The following SNX18 variants were observed in gnomAD, a reference collection of about 807,000 sequenced individuals.
SNX18 encodes sorting nexin 18, also known as sorting nexin-18.
In SNX18, 35 loss-of-function variants were observed where a neutral mutation model predicts 48.7. That is an observed-to-expected ratio of 0.72 (90% CI 0.55 to 0.95). SNX18 has a LOEUF of 0.95. SNX18 is among the 40% of genes least tolerant of loss of function. The pLI is 0.00. For missense variants in SNX18, 824 were observed against 871.0 expected, an observed-to-expected ratio of 0.95 and a Z score of 0.68; for synonymous variants, 492 against 384.7, an observed-to-expected ratio of 1.28 and a Z score of -3.26.
downstream of SNX18, among the ~76,000 whole-genome samples, chr5:54,550,612 C>A (rs891286620): frequency 6.6e-6 from 1 of 152,174 alleles, no homozygotes; most frequent in Non-Finnish European, 1.5e-5. Context: ...TAGATGGAGT[C>A]TTGGTCTGTC....
At chr5:54,519,719 C>G in intron 1 of SNX18, 146 bp downstream of exon 1, 5 of 1,614,110 alleles carry the variant, frequency 3.1e-6, no homozygotes, top group Non-Finnish European at 4.2e-6. Context: ...GGGTCTTTTC[C>G]CTAGAGTGTA....
At chr5:54,542,236 G>A (rs1273053607) in intron 1 of SNX18, among the ~76,000 whole-genome samples, 1 of 152,156 alleles carries the variant, frequency 6.6e-6, no homozygotes, top group African/African-American at 2.4e-5. Flanking sequence ...GTATGACTGT[G>A]CTTTCGGGGG....
At chr5:54,626,127 A>G in the SNX18 span, among the ~76,000 whole-genome samples, 30 of 152,296 alleles carry the variant, frequency 2.0e-4, no homozygotes, top group African/African-American at 7.0e-4. Flanking sequence ...GGCTTATTTC[A>G]CTTACTTCTG....
chr5:54,609,111 T>C, the SNX18 span, among the ~76,000 whole-genome samples: 1 of 152,200 alleles, frequency 6.6e-6, no homozygotes. Context: ...CACAGTCCAG[T>C]AGAAATTTCT....
At chr5:54,540,641 A>G (rs1162432001) in intron 1 of SNX18, among the ~76,000 whole-genome samples, 3 of 152,214 alleles carry the variant, frequency 2.0e-5, no homozygotes, top group Admixed American at 1.3e-4. Context: ...TTAGTTGACA[A>G]TCACCCAATT....
the SNX18 span, among the ~76,000 whole-genome samples, chr5:54,597,450 T>A: frequency 6.6e-6 from 1 of 152,136 alleles, no homozygotes; most frequent in Non-Finnish European, 1.5e-5. Context: ...ACATTCTTCT[T>A]GGTACCACAT....
At chr5:54,614,381 T>C in the SNX18 span, among the ~76,000 whole-genome samples, 2 of 152,212 alleles carry the variant, frequency 1.3e-5, no homozygotes, top group Non-Finnish European at 2.9e-5. Context: ...ACTTCTAGAT[T>C]TTAAAACAGT....
At chr5:54,555,045 C>T in the SNX18 span, among the ~76,000 whole-genome samples, 3 of 152,344 alleles carry the variant, frequency 2.0e-5, no homozygotes, top group Non-Finnish European at 2.9e-5. Context: ...TACAGCCATA[C>T]ACCCACACTG....
At chr5:54,560,917 C>A in the SNX18 span, among the ~76,000 whole-genome samples, 1 of 152,296 alleles carries the variant, frequency 6.6e-6, no homozygotes, top group Non-Finnish European at 1.5e-5. Flanking sequence ...TTGAGGGAAC[C>A]AGGCTGGTAA....
In SNX18 at chr5:54,525,198, G is replaced by A. The variant is rs189107049; in HGVS notation, c.1621+5625G>A. The stretch of plus-strand genomic sequence containing the variant: ...TGAGAATTAAATGTTATAGTTCATA[G>A]TAGCTAGTCACTAAATGTTTATTTT... On this transcript the variant is annotated intron_variant, in intron 1 of 1. Coordinates refer to ENST00000381410, the MANE Select transcript of SNX18 (RefSeq NM_001102575.2). Among the ~76,000 whole-genome samples the A allele has an allele frequency of 1.7e-3, 256 of 152,302 alleles. 1 individual carries two copies. The highest frequency in any genetic ancestry group is 6.1e-3 in the African/African-American group (253 of 41,570).
chr5:54,610,112 T>C, the SNX18 span, among the ~76,000 whole-genome samples: 1 of 152,270 alleles, frequency 6.6e-6, no homozygotes, highest in East Asian at 1.9e-4. Context: ...GCTTCCTGTA[T>C]AACCTGCAGA....
the SNX18 span, among the ~76,000 whole-genome samples, chr5:54,576,584 C>T: frequency 6.6e-6 from 1 of 152,178 alleles, no homozygotes; most frequent in Non-Finnish European, 1.5e-5. Flanking sequence ...TACTCTGAAT[C>T]TTCATGGTGT....
chr5:54,585,787 A>G, the SNX18 span, among the ~76,000 whole-genome samples: 1 of 152,028 alleles, frequency 6.6e-6, no homozygotes, highest in Non-Finnish European at 1.5e-5. Flanking sequence ...GCGGATCACG[A>G]GGTCAGGAGA....
chr5:54,523,247 G>A (rs1207345227), intron 1 of SNX18, among the ~76,000 whole-genome samples: 1 of 148,470 alleles, frequency 6.7e-6, no homozygotes, highest in African/African-American at 2.6e-5. Flanking sequence ...TGTTGATGTT[G>A]AGGAGTTTGG....
the SNX18 span, among the ~76,000 whole-genome samples, chr5:54,563,026 A>G: frequency 6.6e-6 from 1 of 152,242 alleles, no homozygotes; most frequent in Non-Finnish European, 1.5e-5. Context: ...AAAAGCATAT[A>G]GAATAAGAAT....
At chr5:54,564,391 T>C in the SNX18 span, among the ~76,000 whole-genome samples, 6 of 152,238 alleles carry the variant, frequency 3.9e-5, no homozygotes, top group Non-Finnish European at 8.8e-5. Flanking sequence ...AACACTTAGA[T>C]TCTTTCCATA....
intron 1 of SNX18, among the ~76,000 whole-genome samples, chr5:54,527,289 A>G (rs1224855392): frequency 6.6e-6 from 1 of 150,882 alleles, no homozygotes; most frequent in Non-Finnish European, 1.5e-5. Context: ...GAAATACTCC[A>G]GTAATCCAGG....
Position 54,543,523 on chromosome 5 carries a change from CAGT to C in SNX18, c.*92_*94del, listed in dbSNP as rs1580110842. 6.1e-6 allele frequency: 9 copies of C among 1,476,384 alleles called. No homozygotes were observed. Among genetic ancestry groups the C allele is most frequent in the East Asian group, 2.3e-5 (1 of 43,980 alleles). The allele number at this position is 1,476,384 out of a possible 1,614,324, so 91.5% of individuals were successfully genotyped here. Reference sequence around the variant, plus strand: ...CTGTCAAAGAGCTATTGCCAGCTATCAGTGGTGGTACAAGGACGGTTTTGTGTT... The same window carrying C: ...CTGTCAAAGAGCTATTGCCAGCTATCGGTGGTACAAGGACGGTTTTGTGTT... On this transcript the variant is annotated 3_prime_UTR_variant, in exon 2 of 2. Transcript: ENST00000381410.
At chr5:54,564,325 CATA>C in the SNX18 span, among the ~76,000 whole-genome samples, 37 of 152,074 alleles carry the variant, frequency 2.4e-4, no homozygotes, top group African/African-American at 7.2e-4. Flanking sequence ...TTATTGATTC[CATA>C]ATATTTCTCC....
Sources: allele counts gnomAD v4.1 joint callset (sites outside exome capture counted in the v4.1 genomes callset), GRCh38; gene constraint gnomAD v4.1.1; transcripts MANE v1.5; gene names NCBI Gene and HGNC (gene_info 2026-07-23, HGNC 2026-07-21).